The following CREB5 variants were observed in gnomAD, a reference collection of about 807,000 sequenced individuals.
CREB5 encodes the protein cAMP responsive element binding protein 5, also known as cyclic AMP-responsive element-binding protein 5.
In CREB5, 19 loss-of-function variants were observed where a neutral mutation model predicts 57.1. That is an observed-to-expected ratio of 0.33 (90% CI 0.23 to 0.49). The LOEUF is 0.49. CREB5 is among the 20% of genes least tolerant of loss of function. The pLI is 0.99. For synonymous variants in CREB5, 238 were observed against 238.3 expected, an observed-to-expected ratio of 1.00 and a Z score of 0.01; for missense variants, 579 against 671.6, an observed-to-expected ratio of 0.86 and a Z score of 1.52.
intron 7 of CREB5, among the ~76,000 whole-genome samples, chr7:28,745,375 C>A (rs1347982879): frequency 2.6e-5 from 4 of 152,158 alleles, no homozygotes; most frequent in Non-Finnish European, 5.9e-5. Flanking sequence ...CATTTGTAAC[C>A]CAATGTCATG....
At chr7:28,380,332 C>T (rs776863468) in intron 1 of CREB5, among the ~76,000 whole-genome samples, 4 of 152,294 alleles carry the variant, frequency 2.6e-5, no homozygotes, top group Admixed American at 1.3e-4. Flanking sequence ...TGCTATCCTT[C>T]GTGGAGGCTG....
At chr7:28,759,216 C>T (rs1805509403) in intron 7 of CREB5, among the ~76,000 whole-genome samples, 1 of 152,058 alleles carries the variant, frequency 6.6e-6, no homozygotes, top group Non-Finnish European at 1.5e-5. Flanking sequence ...AACATATATG[C>T]CACAGAGATT....
intron 1 of CREB5, among the ~76,000 whole-genome samples, chr7:28,481,578 T>C (rs1791335245): frequency 6.6e-6 from 1 of 152,178 alleles, no homozygotes; most frequent in South Asian, 2.1e-4. Context: ...GCTTGAGGGC[T>C]GAAATGTCAC....
intron 1 of CREB5, among the ~76,000 whole-genome samples, chr7:28,486,844 C>T (rs1358189962): frequency 2.0e-5 from 3 of 151,106 alleles, no homozygotes; most frequent in African/African-American, 7.3e-5. Context: ...GTGGCTCATG[C>T]TTGTAATCCC....
At chr7:28,600,562 A>C (rs1392854927) in intron 5 of CREB5, among the ~76,000 whole-genome samples, 1 of 152,184 alleles carries the variant, frequency 6.6e-6, no homozygotes, top group African/African-American at 2.4e-5. Context: ...CTAATGCGCT[A>C]TTCATGGAAG....
Position 28,614,643 on chromosome 7 carries a change from TA to T in CREB5, c.464+44108del, listed in dbSNP as rs200069095. ...TTTCCTAGCTTCCAGCTTTTTGATT[TA>T]ATTTAATTTTTAAGAATTTAGAAAA... On this transcript the variant is annotated intron_variant, in intron 5 of 10. Transcript: ENST00000357727. Among the ~76,000 whole-genome samples the T allele has an allele frequency of 6.6e-5, 10 of 152,306 alleles. No homozygotes were observed. In the East Asian group the frequency reaches 1.9e-3, roughly 29 times the overall value.
intron 7 of CREB5, among the ~76,000 whole-genome samples, chr7:28,800,182 A>G (rs1808281982): frequency 6.6e-6 from 1 of 152,256 alleles, no homozygotes; most frequent in Non-Finnish European, 1.5e-5. Context: ...CTAGGACCAT[A>G]TAACAACAGG....
At chr7:28,746,101 A>G (rs1014680921) in intron 7 of CREB5, among the ~76,000 whole-genome samples, 2 of 152,342 alleles carry the variant, frequency 1.3e-5, no homozygotes, top group East Asian at 1.9e-4. Context: ...ACTATTCAAA[A>G]TGTACCAGAA....
chr7:28,707,880 C>G (rs930382183), intron 5 of CREB5, among the ~76,000 whole-genome samples: 6 of 152,214 alleles, frequency 3.9e-5, no homozygotes, highest in African/African-American at 4.8e-5. Flanking sequence ...TATCTGCCAG[C>G]CTTCTCTAAT....
At chr7:28,702,900 C>T (rs937378106) in intron 5 of CREB5, among the ~76,000 whole-genome samples, 4 of 152,028 alleles carry the variant, frequency 2.6e-5, no homozygotes, top group Non-Finnish European at 5.9e-5. Flanking sequence ...ACCTTCCAGG[C>T]AAAGATCAAA....
chr7:28,326,907 T>C (rs1302038046), intron 1 of CREB5, among the ~76,000 whole-genome samples: 1 of 151,978 alleles, frequency 6.6e-6, no homozygotes, highest in African/African-American at 2.4e-5. Context: ...CTTTGGCAGG[T>C]AGGTCATGAA....
intron 1 of CREB5, among the ~76,000 whole-genome samples, chr7:28,302,247 T>C (rs2127978882): frequency 6.6e-6 from 1 of 152,306 alleles, no homozygotes; most frequent in Middle Eastern, 3.4e-3. Context: ...ATTAATAATT[T>C]GAGGGTTTTT....
chr7:28,366,514 C>A (rs1042724083), intron 1 of CREB5, among the ~76,000 whole-genome samples: 2 of 152,108 alleles, frequency 1.3e-5, no homozygotes, highest in Non-Finnish European at 2.9e-5. Context: ...GATGTCAGCT[C>A]TGAGAAATAC....
At chr7:28,467,675 T>C (rs557543309) in intron 1 of CREB5, among the ~76,000 whole-genome samples, 1 of 152,282 alleles carries the variant, frequency 6.6e-6, no homozygotes, top group South Asian at 2.1e-4. Context: ...CCCGCATTGT[T>C]ATGAAGCTAC....
intron 5 of CREB5, among the ~76,000 whole-genome samples, chr7:28,644,188 A>AGGAAGGGAAGGGAAG (rs200163074): frequency 1.3e-5 from 2 of 152,026 alleles, no homozygotes; most frequent in African/African-American, 4.8e-5. Flanking sequence ...AAAAAGGGAA[A>AGGAAGGGAAGGGAAG]GGAAGGGAAG....
chr7:28,645,679 G>A (rs1421827721), intron 5 of CREB5, among the ~76,000 whole-genome samples: 1 of 152,194 alleles, frequency 6.6e-6, no homozygotes, highest in Non-Finnish European at 1.5e-5. Context: ...GGAGATAAAT[G>A]GATCTGCAAA....
chr7:28,749,793 C>T (rs936110529), intron 7 of CREB5, among the ~76,000 whole-genome samples: 3 of 151,890 alleles, frequency 2.0e-5, no homozygotes, highest in Non-Finnish European at 2.9e-5. Flanking sequence ...TACATCAGTA[C>T]GAATAGAAGA....
At chr7:28,536,118 G>A (rs866447602) in intron 4 of CREB5, among the ~76,000 whole-genome samples, 8 of 152,090 alleles carry the variant, frequency 5.3e-5, no homozygotes, top group Non-Finnish European at 1.2e-4. Flanking sequence ...GAGAAAACAC[G>A]CTGTCTGCCT....
At chr7:28,543,599 A>G (rs1794299080) in intron 4 of CREB5, among the ~76,000 whole-genome samples, 1 of 151,638 alleles carries the variant, frequency 6.6e-6, no homozygotes, top group Admixed American at 6.6e-5. Context: ...AAAAAAAAAA[A>G]AAGTGTGAGT....
Sources: gnomAD v4.1 joint callset for allele counts (sites outside exome capture counted in the v4.1 genomes callset) on GRCh38, gnomAD v4.1.1 for gene constraint, MANE v1.5 for transcripts, NCBI Gene and HGNC (gene_info 2026-07-23, HGNC 2026-07-21) for gene names.